Variants in SBK3 observed in about 807,000 individuals in gnomAD.
SBK3 encodes the protein SH3 domain binding kinase family member 3.
A neutral mutation model predicts 12.7 loss-of-function variants in SBK3; 16 were observed. That is an observed-to-expected ratio of 1.26 (90% CI 0.86 to 1.92). The LOEUF (loss-of-function observed/expected upper bound fraction) is 1.92. SBK3 is among the 40% of genes most tolerant of loss of function. The pLI is 0.00. For synonymous variants in SBK3, 217 were observed against 213.6 expected (o/e 1.02, Z -0.14); for missense variants, 462 against 481.8 (o/e 0.96, Z 0.38).
Position 55,540,943 on chromosome 19 carries a change from T to C in SBK3, c.983A>G (p.Asp328Gly). The change falls in exon 4 of 4, where the codon GAC becomes GGC. Residue 328 changes from aspartate (D) to glycine (G), a missense_variant. Transcript: ENST00000612221. Reference sequence around the variant, plus strand: ...CAGGCTTGAGCCTCCCTCCTCCCTGTCCTCATAGGACACGGCGCTCCCCAA... The same window carrying C: ...CAGGCTTGAGCCTCCCTCCTCCCTGCCCTCATAGGACACGGCGCTCCCCAA... The part of the protein sequence containing the change: ...GVLGSAVSYE[D>G]REEGGSSLEE... The C allele has an allele frequency of 6.5e-7, 1 of 1,536,062 alleles. No homozygotes were observed. Among genetic ancestry groups the C allele is most frequent in the African/African-American group, 1.4e-5 (1 of 73,120 alleles).
chr19:55,545,478 C>A lies in SBK3; in HGVS notation c.45+21G>T, dbSNP rs970944278. On this transcript the variant is annotated intron_variant, in intron 1 of 3. Coordinates refer to ENST00000612221, the MANE Select transcript of SBK3 (RefSeq NM_001199824.2). The surrounding 1 kb of genome is among the most constrained non-coding windows in gnomAD (Gnocchi z 4.4). ...CCTTCTTTTCTCTCTCTGTCTTCCT[C>A]CCCTGGCTCCCGTCTCTCACCTCTG... The A allele has an allele frequency of 6.6e-7, 1 of 1,518,762 alleles. No homozygotes were observed. Among genetic ancestry groups the A allele is most frequent in the East Asian group, 2.5e-5 (1 of 40,738 alleles). The allele number at this position is 1,518,762 out of a possible 1,614,324, so 94.1% of individuals were successfully genotyped here.
chr19:55,544,798 C>G lies in SBK3; in HGVS notation c.196+1G>C. 6.7e-7 allele frequency: 1 copy of G among 1,493,562 alleles called. No individual in the cohort carries two copies. Among genetic ancestry groups the G allele is most frequent in the Non-Finnish European group, 8.9e-7 (1 of 1,126,190 alleles). 92.5% of individuals were successfully genotyped at this position (1,493,562 alleles called of 1,614,324 possible). ...GGCTGCCCTTGGGTGGCTGAACTCA[C>G]CCCCCTGGTGAGGCTGGGCAAGGAG... On this transcript the variant is annotated splice_donor_variant, in intron 2 of 3. Coordinates refer to ENST00000612221, the MANE Select transcript of SBK3 (RefSeq NM_001199824.2). LOFTEE classifies it high-confidence loss of function.
Position 55,544,969 on chromosome 19 carries a change from T to A in SBK3, c.46-20A>T. The A allele has an allele frequency of 1.3e-6, 2 of 1,511,542 alleles. No homozygotes were observed. The highest frequency in any genetic ancestry group is 1.2e-5 in the South Asian group (1 of 81,448). 93.6% of individuals were successfully genotyped at this position (1,511,542 alleles called of 1,614,324 possible). On this transcript the variant is annotated intron_variant, in intron 1 of 3. Transcript: ENST00000612221. ...GTCCTCCTACGGGAGAGGGGCAGGG[T>A]GAGGAGGGGGCGCGTCTGGGGTCCA...
At chr19:55,542,625 G>A (rs1337969354) in intron 3 of SBK3, among the ~76,000 whole-genome samples, 4 of 108,394 alleles carry the variant, frequency 3.7e-5, no homozygotes, top group East Asian at 3.0e-4. Context: ...TCATCCATCC[G>A]TCCATGCAGC....
rs1027763267 is a variant in SBK3, at chr19:55,540,771, C to G, written c.*75G>C. Reference sequence around the variant, plus strand: ...TCTGTCCTCCCGGGTGCAGCTGTCTCTCCATCCAGGTGGCCCTGGGGGCTG... The same window carrying G: ...TCTGTCCTCCCGGGTGCAGCTGTCTGTCCATCCAGGTGGCCCTGGGGGCTG... On this transcript the variant is annotated 3_prime_UTR_variant, in exon 4 of 4. Coordinates refer to ENST00000612221, the MANE Select transcript of SBK3 (RefSeq NM_001199824.2). The G allele has an allele frequency of 2.2e-5, 28 of 1,270,684 alleles. No individual in the cohort carries two copies. The highest frequency in any genetic ancestry group is 2.9e-5 in the Non-Finnish European group (26 of 904,564). The allele number at this position is 1,270,684 out of a possible 1,614,324, so 78.7% of individuals were successfully genotyped here.
At chr19:55,542,467 TCATCCATCCATC>T (rs113583456) in intron 3 of SBK3, among the ~76,000 whole-genome samples, 34 of 136,046 alleles carry the variant, frequency 2.5e-4, no homozygotes, top group Non-Finnish European at 3.5e-4. Flanking sequence ...ACCAAACCTT[TCATCCATCCATC>T]CATCCATCCA....
chr19:55,544,884 C>G lies in SBK3; in HGVS notation c.111G>C (p.Arg37Ser), dbSNP rs991552388. 6.5e-7 allele frequency: 1 copy of G among 1,534,494 alleles called. No homozygotes were observed. Among genetic ancestry groups the G allele is most frequent in the African/African-American group, 1.4e-5 (1 of 73,054 alleles). Residue 37 changes from arginine to serine, a missense_variant, in exon 2 of 4, where the codon AGG becomes AGC. Transcript: ENST00000612221. ...ELTTSRVTPV[R>S]SLRDQYHLIR... ...TGAGGTGGTACTGGTCCCGAAGGCTCCTCACCGGGGTCACCCTGCTGGTCG... is the reference window on the plus strand; with the variant it reads ...TGAGGTGGTACTGGTCCCGAAGGCTGCTCACCGGGGTCACCCTGCTGGTCG...
rs535231450 is a variant in SBK3, at chr19:55,545,020, C to G, written c.46-71G>C. 1.7e-6 allele frequency: 2 copies of G among 1,201,614 alleles called. No individual in the cohort carries two copies. The highest frequency in any genetic ancestry group is 2.3e-6 in the Non-Finnish European group (2 of 872,592). The allele number at this position is 1,201,614 out of a possible 1,614,324, so 74.4% of individuals were successfully genotyped here. ...CTGAGAGTGGTGGGGGAGGAGGTCA[C>G]GGCGCAGCCCCAGGATGGAGGGTGG... On this transcript the variant is annotated intron_variant, in intron 1 of 3. Coordinates refer to ENST00000612221, the MANE Select transcript of SBK3 (RefSeq NM_001199824.2). The surrounding 1 kb of genome is among the most constrained non-coding windows in gnomAD (Gnocchi z 4.4).
At position 55,544,817 on chromosome 19, in the gene SBK3, CAAGGAGCACG is replaced by C; in HGVS notation, c.168_177del (p.Val57ProfsTer12). Reference sequence around the variant, plus strand: ...AACTCACCCCCCTGGTGAGGCTGGGCAAGGAGCACGCGGCCGTAGGAGCCGGAGCCCAGCT... The same window carrying C: ...AACTCACCCCCCTGGTGAGGCTGGGCCGGCCGTAGGAGCCGGAGCCCAGCT... On this transcript the variant is annotated frameshift_variant, in exon 2 of 4. Coordinates refer to ENST00000612221, the MANE Select transcript of SBK3 (RefSeq NM_001199824.2). LOFTEE classifies it high-confidence loss of function. 1 of 1,521,270 alleles carries C rather than the reference CAAGGAGCACG, an allele frequency of 6.6e-7. No homozygotes were observed. The highest frequency in any genetic ancestry group is 1.2e-5 in the South Asian group (1 of 82,398). 94.2% of individuals were successfully genotyped at this position (1,521,270 alleles called of 1,614,324 possible).
chr19:55,542,126 T>G (rs1445178952), intron 3 of SBK3, among the ~76,000 whole-genome samples: 1 of 152,170 alleles, frequency 6.6e-6, no homozygotes, highest in African/African-American at 2.4e-5. Flanking sequence ...CCCAGTTTAT[T>G]TCATCAATTG....
At position 55,540,892 on chromosome 19, in the gene SBK3, T is replaced by C. The variant is rs1286241243; in HGVS notation, c.1034A>G (p.Asp345Gly). Residue 345 changes from aspartate to glycine, a missense_variant, in exon 4 of 4, where the codon GAC becomes GGC. Coordinates refer to ENST00000612221, the MANE Select transcript of SBK3 (RefSeq NM_001199824.2). ...SLEEWTDEGDDSKSGGRTGTD... is the reference protein window; with the variant it reads ...SLEEWTDEGDGSKSGGRTGTD... ...CCCCGTCCTCCCACCACTTTTGCTGTCATCACCCTCATCTGTCCACTCCTC... is the reference window on the plus strand; with the variant it reads ...CCCCGTCCTCCCACCACTTTTGCTGCCATCACCCTCATCTGTCCACTCCTC... The C allele has an allele frequency of 6.5e-7, 1 of 1,536,116 alleles. No individual in the cohort carries two copies. The highest frequency in any genetic ancestry group is 2.4e-5 in the East Asian group (1 of 40,904).
In SBK3 at chr19:55,544,174, G is replaced by T; in HGVS notation, c.325C>A (p.Gln109Lys). The change falls in exon 3 of 4, where the codon CAG (glutamine) becomes AAG (lysine). Residue 109 changes from glutamine (Q) to lysine (K), a missense_variant. Physicochemically the swap from Gln to Lys is moderately conservative, Grantham distance 53 (BLOSUM62 1). Transcript: ENST00000612221. ...GLLQTLAGPL[Q>K]TPRYFAFAQE... is the part of the protein sequence containing the mutation. ...GCGAAGGCAAAATAGCGGGGGGTCT[G>T]TAGGGGTCCTGCCAGGGTCTGCAGC... 6.5e-7 allele frequency: 1 copy of T among 1,535,926 alleles called. No homozygotes were observed. The highest frequency in any genetic ancestry group is 8.7e-7 in the Non-Finnish European group (1 of 1,146,790).
intron 2 of SBK3, among the ~76,000 whole-genome samples, chr19:55,544,537 C>T (rs1988629999): frequency 6.6e-6 from 1 of 152,166 alleles, no homozygotes; most frequent in Non-Finnish European, 1.5e-5. Context: ...TTTCCCCTGG[C>T]ATCAAGTAAG....
Position 55,541,376 on chromosome 19 carries a change from G to A in SBK3, c.550C>T (p.Leu184=), listed in dbSNP as rs746584854. 16 of 1,535,620 alleles carry A rather than the reference G, an allele frequency of 1.0e-5. 1 individual carries two copies. In the South Asian group the frequency reaches 1.9e-4, roughly 18 times the overall value. ...PVCSRVALGD[L]GLTRPEGSPT... ...CTGCCCTCTGGCCGGGTCAGACCCAGGTCTCCCAGGGCCACACGGCTGCAG... is the reference window on the plus strand; with the variant it reads ...CTGCCCTCTGGCCGGGTCAGACCCAAGTCTCCCAGGGCCACACGGCTGCAG... The change falls in exon 4 of 4, where the codon CTG becomes TTG. Residue 184 remains leucine (L), a synonymous_variant. Coordinates refer to ENST00000612221, the MANE Select transcript of SBK3 (RefSeq NM_001199824.2). The surrounding 1 kb of genome is among the most constrained non-coding windows in gnomAD (Gnocchi z 5.3).
At chr19:55,543,970 T>C (rs1420351961) in intron 3 of SBK3, 130 bp downstream of exon 3, 2 of 684,212 alleles carry the variant, frequency 2.9e-6, no homozygotes, top group Non-Finnish European at 4.6e-6. Flanking sequence ...GGGGAGGTCA[T>C]GTGGGGGCTC....
intron 2 of SBK3, among the ~76,000 whole-genome samples, 189 bp downstream of exon 2, chr19:55,544,610 G>T (rs930089557): frequency 6.6e-6 from 1 of 152,178 alleles, no homozygotes; most frequent in Non-Finnish European, 1.5e-5. Context: ...GGGACCGTAG[G>T]CAGTCCCTCG....
At chr19:55,542,411 TCCAC>T (rs1025001659) in intron 3 of SBK3, among the ~76,000 whole-genome samples, 3 of 142,876 alleles carry the variant, frequency 2.1e-5, no homozygotes, top group Non-Finnish European at 4.6e-5. Context: ...AATCCTTCCA[TCCAC>T]CCACCCACCC....
At chr19:55,542,071 A>G (rs1013598318) in intron 3 of SBK3, among the ~76,000 whole-genome samples, 7 of 152,192 alleles carry the variant, frequency 4.6e-5, no homozygotes, top group African/African-American at 9.7e-5. Context: ...TTAGTCTTGT[A>G]TGAGTCTAGA....
Position 55,545,409 on chromosome 19 carries a change from G to C in SBK3, c.45+90C>G. The C allele has an allele frequency of 9.1e-7, 1 of 1,101,038 alleles. No individual in the cohort carries two copies. Among genetic ancestry groups the C allele is most frequent in the Non-Finnish European group, 1.3e-6 (1 of 764,284 alleles). The allele number at this position is 1,101,038 out of a possible 1,614,324, so 68.2% of individuals were successfully genotyped here. ...AGGTCTTTGCGTTTCCCTGTTTTCT[G>C]TTTCTCTTCCTCTCTCTCCCCGTGT... On this transcript the variant is annotated intron_variant, in intron 1 of 3. Coordinates refer to ENST00000612221, the MANE Select transcript of SBK3 (RefSeq NM_001199824.2). This position sits in a 1 kb window ranked among gnomAD's most constrained non-coding sequence, Gnocchi z 4.4.
Sources: allele counts gnomAD v4.1 joint callset (sites outside exome capture counted in the v4.1 genomes callset), GRCh38; gene constraint gnomAD v4.1.1; non-coding constraint Gnocchi (gnomAD v3.1); transcripts MANE v1.5; gene names NCBI Gene and HGNC (gene_info 2026-07-23, HGNC 2026-07-21).